The following CREB5 variants were observed in gnomAD, a reference collection of about 807,000 sequenced individuals.
CREB5 encodes the protein cAMP responsive element binding protein 5, also known as cyclic AMP-responsive element-binding protein 5.
In CREB5, 19 loss-of-function variants were observed where a neutral mutation model predicts 57.1. That is an observed-to-expected ratio of 0.33 (90% CI 0.23 to 0.49). The LOEUF (loss-of-function observed/expected upper bound fraction) is 0.49. Among genes scored for constraint, CREB5 ranks in the 20% least tolerant of loss-of-function variants. The pLI, the probability that CREB5 is intolerant of heterozygous loss-of-function variation, is 0.99. For missense variants in CREB5, 579 were observed against 671.6 expected (o/e 0.86, Z 1.52); for synonymous variants, 238 against 238.3 (o/e 1.00, Z 0.01).
chr7:28,638,819 A>G (rs1798532008), intron 5 of CREB5, among the ~76,000 whole-genome samples: 1 of 152,204 alleles, frequency 6.6e-6, no homozygotes, highest in Non-Finnish European at 1.5e-5. Context: ...ATAGCAAATC[A>G]GAGAACAAAA....
intron 1 of CREB5, among the ~76,000 whole-genome samples, chr7:28,456,661 T>C (rs1790105598): frequency 6.6e-6 from 1 of 152,230 alleles, no homozygotes. Flanking sequence ...TTTGTGAAAT[T>C]CTTAGGTAAA....
intron 5 of CREB5, among the ~76,000 whole-genome samples, chr7:28,656,967 A>T (rs1799356266): frequency 1.3e-5 from 2 of 152,144 alleles, no homozygotes; most frequent in Non-Finnish European, 2.9e-5. Context: ...AGGACAATAC[A>T]TGAGACAATT....
At chr7:28,677,579 G>T (rs981253800) in intron 5 of CREB5, among the ~76,000 whole-genome samples, 24 of 152,160 alleles carry the variant, frequency 1.6e-4, no homozygotes, top group Non-Finnish European at 2.2e-4. Flanking sequence ...TCTCTTGGGG[G>T]TTTTTAACCT....
intron 5 of CREB5, among the ~76,000 whole-genome samples, chr7:28,650,057 CCATTTACATCTGT>C (rs1799064735): frequency 1.3e-5 from 2 of 152,154 alleles, no homozygotes; most frequent in Admixed American, 6.5e-5. Context: ...TTTACATCTG[CCATTTACATCTGT>C]TGAATTGTGT....
chr7:28,451,469 TG>T (rs1789804565), intron 1 of CREB5, among the ~76,000 whole-genome samples: 1 of 151,522 alleles, frequency 6.6e-6, no homozygotes, highest in Non-Finnish European at 1.5e-5. Context: ...TGTGTGTGTG[TG>T]TGTGTGTGTG....
intron 5 of CREB5, among the ~76,000 whole-genome samples, chr7:28,584,396 A>G (rs62449926): frequency 0.095 from 14,430 of 152,252 alleles, 927 homozygotes; most frequent in Middle Eastern, 0.21. Flanking sequence ...GATTTGGGTG[A>G]GTCCTAAATC....
chr7:28,531,993 C>T (rs1317831832), intron 4 of CREB5, among the ~76,000 whole-genome samples: 1 of 152,206 alleles, frequency 6.6e-6, no homozygotes, highest in Non-Finnish European at 1.5e-5. Flanking sequence ...TGTGCCACTG[C>T]ACTCCAGCCT....
rs70977038 is a variant in CREB5 at position 28,359,224 on chromosome 7, T to TA, written c.-25+59795dup. 2.5e-3 allele frequency among the ~76,000 whole-genome samples: 338 copies of TA among 136,672 alleles called. 2 individuals carry two copies. Among genetic ancestry groups the TA allele is most frequent in the South Asian group, 0.01 (43 of 4,222 alleles). 89.7% of individuals were successfully genotyped at this position (136,672 alleles called of 152,430 possible). ...AAAGCGAATACACACACAAAACAAA[T>TA]AAAAAAAAAAAAGCTTTAAGTACTG... On this transcript the variant is annotated intron_variant, in intron 1 of 9. Transcript: ENST00000396299.
chr7:28,551,904 T>TC lies in CREB5; in HGVS notation c.292-18461_292-18460insC, dbSNP rs928284215. Among the ~76,000 whole-genome samples the TC allele has an allele frequency of 1.4e-4, 20 of 144,232 alleles. 1 individual carries two copies. In the East Asian group the frequency reaches 3.7e-3, roughly 26 times the overall value. 94.6% of individuals were successfully genotyped at this position (144,232 alleles called of 152,430 possible). ...TTTCTTTTCTTTCTTTCTTTCTCTT[T>TC]TCTTTTCTTTCTCTTTTTTCTTTCT... On this transcript the variant is annotated intron_variant, in intron 4 of 10. Coordinates refer to ENST00000357727, the MANE Select transcript of CREB5 (RefSeq NM_182898.4).
In CREB5 at chr7:28,560,911, T is replaced by TGCGCGTGCGCGTGCGTGCGCGCGC. The variant is rs1174704522; in HGVS notation, c.292-9453_292-9452insCGCGTGCGCGTGCGTGCGCGCGCG. 8.3e-5 allele frequency among the ~76,000 whole-genome samples: 3 copies of TGCGCGTGCGCGTGCGTGCGCGCGC among 36,056 alleles called. 1 individual carries two copies. Among genetic ancestry groups the TGCGCGTGCGCGTGCGTGCGCGCGC allele is most frequent in the African/African-American group, 1.5e-4 (1 of 6,510 alleles). 23.7% of individuals were successfully genotyped at this position (36,056 alleles called of 152,430 possible). Reference sequence around the variant, plus strand: ...GCGTGTGTGTGCGTGCGCGCGTGCGTGTGCGTGTGTGCGCGTGCGTGTGTG... The same window carrying TGCGCGTGCGCGTGCGTGCGCGCGC: ...GCGTGTGTGTGCGTGCGCGCGTGCGTGCGCGTGCGCGTGCGTGCGCGCGCGTGCGTGTGTGCGCGTGCGTGTGTG... On this transcript the variant is annotated intron_variant, in intron 4 of 10. Transcript: ENST00000357727.
At chr7:28,710,782 C>G (rs1802362832) in intron 5 of CREB5, among the ~76,000 whole-genome samples, 1 of 152,032 alleles carries the variant, frequency 6.6e-6, no homozygotes, top group African/African-American at 2.4e-5. Context: ...ACCAGTTTTC[C>G]TTTCTAAAAT....
intron 5 of CREB5, among the ~76,000 whole-genome samples, chr7:28,691,231 C>T (rs1338527709): frequency 6.6e-6 from 1 of 151,886 alleles, no homozygotes; most frequent in African/African-American, 2.4e-5. Context: ...AGCAGCCTGG[C>T]CAACATGGTG....
At chr7:28,724,843 AGG>A (rs1803244632) in intron 7 of CREB5, among the ~76,000 whole-genome samples, 1 of 152,210 alleles carries the variant, frequency 6.6e-6, no homozygotes, top group East Asian at 1.9e-4. Flanking sequence ...CCTTACTGAA[AGG>A]CATGATTTCA....
intron 5 of CREB5, among the ~76,000 whole-genome samples, chr7:28,676,698 A>G (rs1047699969): frequency 2.0e-5 from 3 of 152,214 alleles, no homozygotes; most frequent in Non-Finnish European, 2.9e-5. Flanking sequence ...ATGTGTAACT[A>G]AAGTTCAAGA....
At chr7:28,445,824 T>C (rs565217990) in intron 1 of CREB5, among the ~76,000 whole-genome samples, 1 of 152,146 alleles carries the variant, frequency 6.6e-6, no homozygotes, top group Non-Finnish European at 1.5e-5. Flanking sequence ...GTGCTGGGAT[T>C]ACAGGCGTGA....
chr7:28,818,227 C>A, intron 10 of CREB5, 48 bp downstream of exon 10: 2 of 1,379,972 alleles, frequency 1.4e-6, no homozygotes, highest in Non-Finnish European at 2.1e-6. Flanking sequence ...ATATTTTTTG[C>A]CACTAAGTTT....
At chr7:28,712,436 AG>A (rs1802442577) in intron 5 of CREB5, among the ~76,000 whole-genome samples, 1 of 150,180 alleles carries the variant, frequency 6.7e-6, no homozygotes, top group African/African-American at 2.5e-5. Context: ...TAAACCCAGG[AG>A]GCGGAGGTTG....
chr7:28,348,396 TGTCTCTCTCTCTCACA>T (rs1311420022), intron 1 of CREB5, among the ~76,000 whole-genome samples: 23 of 106,184 alleles, frequency 2.2e-4, no homozygotes, highest in African/African-American at 3.1e-4. Flanking sequence ...TCTCTCTCTC[TGTCTCTCTCTCTCACA>T]CACACACACA....
chr7:28,584,245 C>T (rs1450162848), intron 5 of CREB5, among the ~76,000 whole-genome samples: 2 of 152,146 alleles, frequency 1.3e-5, no homozygotes, highest in Non-Finnish European at 2.9e-5. Flanking sequence ...TGGTTTTCCT[C>T]TTTAATTATT....
Sources: allele counts gnomAD v4.1 joint callset (sites outside exome capture counted in the v4.1 genomes callset), GRCh38; gene constraint gnomAD v4.1.1; transcripts MANE v1.5; gene names NCBI Gene and HGNC (gene_info 2026-07-23, HGNC 2026-07-21).